The following LCLAT1 variants were observed in gnomAD, a reference collection of about 807,000 sequenced individuals.
LCLAT1 encodes the protein 1-AGP acyltransferase 8.
A neutral mutation model predicts 30.7 loss-of-function variants in LCLAT1; 11 were observed. The observed-to-expected ratio is 0.36, with a 90% CI of 0.23 to 0.59. The LOEUF is 0.59. LCLAT1 is among the 20% of genes least tolerant of loss of function. The pLI, the probability that LCLAT1 is intolerant of heterozygous loss-of-function variation, is 0.77. For missense variants in LCLAT1, 402 were observed against 458.6 expected (o/e 0.88, Z 1.13); for synonymous variants, 155 against 151.3 (o/e 1.02, Z -0.18).
chr2:30,482,778 A>T (rs909773669), intron 1 of LCLAT1, among the ~76,000 whole-genome samples: 1 of 140,914 alleles, frequency 7.1e-6, no homozygotes, highest in Non-Finnish European at 1.6e-5. Context: ...TGTCCCTATT[A>T]AAAAAAAAAA....
chr2:30,629,747 T>C (rs1455614383), intron 5 of LCLAT1, among the ~76,000 whole-genome samples: 3 of 152,202 alleles, frequency 2.0e-5, no homozygotes, highest in Admixed American at 6.5e-5. Flanking sequence ...GTTAAGCTTA[T>C]GAAGGTATCT....
At chr2:30,481,648 A>T (rs1683328588) in intron 1 of LCLAT1, among the ~76,000 whole-genome samples, 1 of 152,236 alleles carries the variant, frequency 6.6e-6, no homozygotes, top group Non-Finnish European at 1.5e-5. Flanking sequence ...ATGTGGCTAC[A>T]TGAAAGTGGA....
chr2:30,629,686 TCAGTTTCCGA>T (rs1668680426), intron 5 of LCLAT1, among the ~76,000 whole-genome samples: 1 of 152,246 alleles, frequency 6.6e-6, no homozygotes, highest in Non-Finnish European at 1.5e-5. Flanking sequence ...ATGTTTCTGG[TCAGTTTCCGA>T]CATGTAGCTA....
At chr2:30,491,449 G>A (rs1046105929) in intron 1 of LCLAT1, among the ~76,000 whole-genome samples, 1 of 152,212 alleles carries the variant, frequency 6.6e-6, no homozygotes, top group African/African-American at 2.4e-5. Context: ...TTAGTCGAGT[G>A]AGTAATGGAG....
At chr2:30,543,890 T>C (rs1664269287) in intron 3 of LCLAT1, among the ~76,000 whole-genome samples, 1 of 152,142 alleles carries the variant, frequency 6.6e-6, no homozygotes, top group South Asian at 2.1e-4. Flanking sequence ...TTAGTTTTAC[T>C]GATTTCTATT....
In LCLAT1 at chr2:30,605,730, G is replaced by A. The variant is rs181335592; in HGVS notation, c.629-34387G>A. On this transcript the variant is annotated intron_variant, in intron 5 of 5. Transcript: ENST00000379509. ...AATAGCAGTTTTAGCAAATGATCAGGATGAATCTAGCACCTAATAGAGAAA... is the reference window on the plus strand; with the variant it reads ...AATAGCAGTTTTAGCAAATGATCAGAATGAATCTAGCACCTAATAGAGAAA... 2.0e-4 allele frequency among the ~76,000 whole-genome samples: 31 copies of A among 152,262 alleles called. 1 individual carries two copies. Among genetic ancestry groups the A allele is most frequent in the Admixed American group, 2.0e-3 (31 of 15,278 alleles).
Position 30,538,266 on chromosome 2 carries a change from G to A in LCLAT1, c.364+4952G>A, listed in dbSNP as rs1663902575. 2.6e-5 allele frequency among the ~76,000 whole-genome samples: 4 copies of A among 152,184 alleles called. No homozygotes were observed. The South Asian group carries it at 8.3e-4, about 32-fold the overall frequency. ...CAAAATAGAAACTAAAAAATACAAA[G>A]GGTCAATGAAATGGAATGTTGATTT... On this transcript the variant is annotated intron_variant, in intron 3 of 5. Coordinates refer to ENST00000379509, the MANE Select transcript of LCLAT1 (RefSeq NM_001002257.3).
At position 30,622,928 on chromosome 2, in the gene LCLAT1, C is replaced by T. The variant is rs181462070; in HGVS notation, c.629-17189C>T. Among the ~76,000 whole-genome samples, 687 of 152,248 alleles carry T rather than the reference C, an allele frequency of 4.5e-3. 2 individuals are homozygous for T. The highest frequency in any genetic ancestry group is 8.7e-3 in the Admixed American group (133 of 15,304). On this transcript the variant is annotated intron_variant, in intron 5 of 5. Coordinates refer to ENST00000379509, the MANE Select transcript of LCLAT1 (RefSeq NM_001002257.3). ...AGAGCCCCAAAAGATCACCTTAGCT[C>T]ACCAGTAATGGATCAAAACCAAGGC...
intron 5 of LCLAT1, among the ~76,000 whole-genome samples, chr2:30,612,550 C>T (rs1667789003): frequency 6.6e-6 from 1 of 152,166 alleles, no homozygotes; most frequent in South Asian, 2.1e-4. Context: ...TGCCTGACAA[C>T]TCATGAAGAA....
chr2:30,548,688 A>G (rs1664540436), intron 3 of LCLAT1, among the ~76,000 whole-genome samples: 1 of 152,166 alleles, frequency 6.6e-6, no homozygotes. Context: ...AAGGAAGGAA[A>G]ATAAAGGGAT....
intron 1 of LCLAT1, among the ~76,000 whole-genome samples, chr2:30,478,830 A>T (rs1167131859): frequency 6.6e-6 from 1 of 152,172 alleles, no homozygotes; most frequent in East Asian, 1.9e-4. Context: ...TTGGTTTTGT[A>T]TTGTCCAAGA....
intron 1 of LCLAT1, among the ~76,000 whole-genome samples, chr2:30,502,421 A>T (rs76425538): frequency 1.2e-4 from 19 of 152,206 alleles, no homozygotes; most frequent in African/African-American, 4.3e-4. Context: ...GTACAGGTCA[A>T]TTGTTTTTAG....
At position 30,640,785 on chromosome 2, in the gene LCLAT1, A is replaced by ATT; in HGVS notation, c.*173_*174dup. 1.2e-6 allele frequency: 1 copy of ATT among 807,000 alleles called. No homozygotes were observed. Among genetic ancestry groups the ATT allele is most frequent in the Non-Finnish European group, 1.9e-6 (1 of 535,128 alleles). The allele number at this position is 807,000 out of a possible 1,614,324, so 50.0% of individuals were successfully genotyped here. On this transcript the variant is annotated 3_prime_UTR_variant, in exon 6 of 6. Transcript: ENST00000379509. The stretch of plus-strand genomic sequence containing the variant: ...ATTTTGTGGGAAAAATATTGCTACA[A>ATT]TTTTTTTTAATCTCTGAATGTAATT...
At chr2:30,601,694 A>G (rs915644543) in intron 5 of LCLAT1, among the ~76,000 whole-genome samples, 2 of 152,032 alleles carry the variant, frequency 1.3e-5, no homozygotes, top group African/African-American at 4.8e-5. Context: ...AATATGTTTT[A>G]ATGAAAGCAC....
intron 4 of LCLAT1, among the ~76,000 whole-genome samples, chr2:30,565,372 G>A (rs554323042): frequency 6.6e-6 from 1 of 152,086 alleles, no homozygotes; most frequent in African/African-American, 2.4e-5. Flanking sequence ...TGATTTGATG[G>A]GGCCTACTCC....
chr2:30,618,234 T>C (rs1668085402), intron 5 of LCLAT1, among the ~76,000 whole-genome samples: 1 of 151,896 alleles, frequency 6.6e-6, no homozygotes, highest in Non-Finnish European at 1.5e-5. Context: ...TTCAAAATTG[T>C]TTTCTTATTC....
chr2:30,511,347 G>A (rs1684930005), intron 1 of LCLAT1, among the ~76,000 whole-genome samples: 1 of 152,110 alleles, frequency 6.6e-6, no homozygotes, highest in African/African-American at 2.4e-5. Flanking sequence ...CTCATAGCCT[G>A]GTCAGACATC....
intron 1 of LCLAT1, chr2:30,476,585 A>G (rs1683056927): frequency 4.4e-6 from 2 of 451,402 alleles, no homozygotes; most frequent in Admixed American, 2.4e-5. Context: ...AGATAGGACC[A>G]TCTAGTCTCA....
At chr2:30,541,330 T>C (rs1221475564) in intron 3 of LCLAT1, among the ~76,000 whole-genome samples, 1 of 152,122 alleles carries the variant, frequency 6.6e-6, no homozygotes, top group East Asian at 1.9e-4. Flanking sequence ...AGTTTAAGGC[T>C]ACATTGAGCT....
Sources: gnomAD v4.1 joint callset for allele counts (sites outside exome capture counted in the v4.1 genomes callset) on GRCh38, gnomAD v4.1.1 for gene constraint, MANE v1.5 for transcripts, NCBI Gene and HGNC (gene_info 2026-07-23, HGNC 2026-07-21) for gene names.